UGGT2: variants seen among roughly 807,000 people sequenced by gnomAD.
The protein encoded by UGGT2 is UDP-glucose:glycoprotein glucosyltransferase 2.
A neutral mutation model predicts 192.1 loss-of-function variants in UGGT2; 180 were observed. The ratio of observed to expected loss-of-function variants is 0.94; its 90% CI spans 0.83 to 1.06. The LOEUF is 1.06. Ranked by LOEUF, UGGT2 falls within the 50% of genes least tolerant of loss-of-function variation. The pLI is 0.00. For synonymous variants in UGGT2, 580 were observed against 591.0 expected (o/e 0.98, Z 0.27); for missense variants, 1,849 against 1,795.7 (o/e 1.03, Z -0.54).
chr13:95,926,680 T>C (rs1041307811), intron 19 of UGGT2, among the ~76,000 whole-genome samples: 11 of 152,258 alleles, frequency 7.2e-5, no homozygotes, highest in South Asian at 4.1e-4. Context: ...TATCTGCATG[T>C]TATTTAATCA....
intron 36 of UGGT2, among the ~76,000 whole-genome samples, chr13:95,844,348 G>GA (rs1384624511): frequency 3.9e-5 from 6 of 152,058 alleles, no homozygotes; most frequent in African/African-American, 1.2e-4. Flanking sequence ...AATAAATATA[G>GA]AAAAAATAGA....
At position 95,989,979 on chromosome 13, in the gene UGGT2, G is replaced by A; in HGVS notation, c.925C>T (p.Leu309=). The change falls in exon 8 of 39, where the codon CTA becomes TTA. Residue 309 remains leucine (L), a synonymous_variant. Coordinates refer to ENST00000376747, the MANE Select transcript of UGGT2 (RefSeq NM_020121.4). ...KQMMPLKVWE[L]QDLSFQAASQ... ...GTATCTCAAAATACTATACCTTGTA[G>A]TTCCCAGACTTTCAAAGGCATCATT... 1.2e-6 allele frequency: 2 copies of A among 1,602,676 alleles called. No individual in the cohort carries two copies. The highest frequency in any genetic ancestry group is 1.7e-6 in the Non-Finnish European group (2 of 1,174,028).
intron 29 of UGGT2, among the ~76,000 whole-genome samples, chr13:95,876,729 A>G (rs1891716577): frequency 6.6e-6 from 1 of 152,134 alleles, no homozygotes. Flanking sequence ...GCAGTGCTGT[A>G]ACAGCTTACC....
chr13:96,038,419 T>C (rs979880857), intron 1 of UGGT2, among the ~76,000 whole-genome samples: 23 of 152,288 alleles, frequency 1.5e-4, no homozygotes, highest in South Asian at 4.1e-4. Context: ...TCAGGCAAGA[T>C]AGAGTAATAT....
chr13:95,868,399 C>G (rs1890876429), intron 29 of UGGT2, among the ~76,000 whole-genome samples: 1 of 138,300 alleles, frequency 7.2e-6, no homozygotes, highest in African/African-American at 2.6e-5. Flanking sequence ...AGTTTGAGAC[C>G]AGCCTGGGCA....
chr13:96,040,216 A>G (rs906703223), intron 1 of UGGT2, among the ~76,000 whole-genome samples: 5 of 152,186 alleles, frequency 3.3e-5, no homozygotes, highest in African/African-American at 1.2e-4. Context: ...TAAAACAGAA[A>G]CTTATTCTCT....
chr13:95,986,288 TAGAA>T (rs771382920), intron 9 of UGGT2, 41 bp downstream of exon 9: 33 of 1,309,754 alleles, frequency 2.5e-5, no homozygotes, highest in Middle Eastern at 1.8e-4. Flanking sequence ...ACTCATTTAA[TAGAA>T]AGAGTTATAG....
chr13:96,002,744 G>A (rs533406504), intron 5 of UGGT2, among the ~76,000 whole-genome samples: 28 of 152,154 alleles, frequency 1.8e-4, no homozygotes, highest in Non-Finnish European at 4.0e-4. Flanking sequence ...GAAGAACACT[G>A]AGGGAAAAAA....
intron 1 of UGGT2, among the ~76,000 whole-genome samples, chr13:96,044,369 A>C (rs1224273513): frequency 6.6e-6 from 1 of 152,226 alleles, no homozygotes; most frequent in Non-Finnish European, 1.5e-5. Flanking sequence ...CTCTGCTAAG[A>C]GGAAAGTTCA....
At chr13:95,871,406 T>C (rs1891210861) in intron 29 of UGGT2, among the ~76,000 whole-genome samples, 1 of 152,154 alleles carries the variant, frequency 6.6e-6, no homozygotes, top group South Asian at 2.1e-4. Context: ...TGTTGTCAGA[T>C]TGTGAGTCTC....
chr13:95,880,007 C>T (rs2047448453), intron 27 of UGGT2, among the ~76,000 whole-genome samples: 1 of 152,118 alleles, frequency 6.6e-6, no homozygotes, highest in Non-Finnish European at 1.5e-5. Context: ...CTGCCATCTA[C>T]ATTAGGTATT....
chr13:95,828,524 A>G lies in UGGT2; in HGVS notation c.4528+4403T>C, dbSNP rs370951907. Among the ~76,000 whole-genome samples, 396 of 152,316 alleles carry G rather than the reference A, an allele frequency of 2.6e-3. 3 individuals are homozygous for G. Among genetic ancestry groups the G allele is most frequent in the African/African-American group, 9.2e-3 (383 of 41,566 alleles). On this transcript the variant is annotated intron_variant, in intron 38 of 38. Transcript: ENST00000376747. ...CCACAGAAATACAAACTACCATCAG[A>G]GAGTATTATAGACAACTCTACGCAA...
At chr13:96,039,761 GA>G (rs2053113870) in intron 1 of UGGT2, among the ~76,000 whole-genome samples, 2 of 152,176 alleles carry the variant, frequency 1.3e-5, no homozygotes, top group Non-Finnish European at 2.9e-5. Context: ...CCAGTTTCAA[GA>G]TGTTTTCCAC....
chr13:96,031,916 G>C lies in UGGT2; in HGVS notation c.214C>G (p.Gln72Glu). The C allele has an allele frequency of 3.1e-6, 5 of 1,609,956 alleles. No homozygotes were observed. Among genetic ancestry groups the C allele is most frequent in the Non-Finnish European group, 4.2e-6 (5 of 1,178,252 alleles). The change falls in exon 2 of 39, where the codon CAA becomes GAA. Residue 72 changes from glutamine (Q) to glutamate (E), a missense_variant. Physicochemically the swap from Gln to Glu is conservative, Grantham distance 29. Coordinates refer to ENST00000376747, the MANE Select transcript of UGGT2 (RefSeq NM_020121.4). ...GTTTGCTTATAAATTGCTAATTCTT[G>C]CACAGTTTCCAAAAACTGCCAAAAT... ...EKFWQFLETV[Q>E]ELAIYKQTES...
intron 2 of UGGT2, 122 bp from the exon 3 acceptor site, chr13:96,023,881 T>C: frequency 2.6e-6 from 2 of 774,386 alleles, no homozygotes; most frequent in Non-Finnish European, 1.8e-6. Context: ...TTATGGATAA[T>C]GCTAGAGAAA....
chr13:96,036,170 T>C (rs548472231), intron 1 of UGGT2, among the ~76,000 whole-genome samples: 3 of 152,196 alleles, frequency 2.0e-5, no homozygotes, highest in African/African-American at 7.2e-5. Flanking sequence ...CCATCAATGA[T>C]AGACTGAATA....
intron 36 of UGGT2, among the ~76,000 whole-genome samples, chr13:95,837,669 G>A (rs1333724036): frequency 1.3e-5 from 2 of 152,274 alleles, no homozygotes; most frequent in East Asian, 3.9e-4. Context: ...AAAGATTGCT[G>A]GCATCTGGGT....
intron 10 of UGGT2, chr13:95,983,594 T>C (rs776367867): frequency 3.2e-6 from 2 of 631,718 alleles, no homozygotes; most frequent in African/African-American, 1.8e-5. Context: ...TTCTGGAATA[T>C]ACTGTGAAAT....
At chr13:95,862,711 C>T (rs1890274394) in intron 31 of UGGT2, among the ~76,000 whole-genome samples, 1 of 152,130 alleles carries the variant, frequency 6.6e-6, no homozygotes, top group African/African-American at 2.4e-5. Context: ...AAACAGTAAA[C>T]TTTTACTTAC....
Sources: gnomAD v4.1 joint callset for allele counts (sites outside exome capture counted in the v4.1 genomes callset) on GRCh38, gnomAD v4.1.1 for gene constraint, MANE v1.5 for transcripts, NCBI Gene and HGNC (gene_info 2026-07-23, HGNC 2026-07-21) for gene names.